The following ADAMTS17 variants were observed in gnomAD, a reference collection of about 807,000 sequenced individuals.
The protein encoded by ADAMTS17 is A disintegrin and metalloproteinase with thrombospondin motifs 17.
Under a neutral mutation model 141.5 loss-of-function variants are expected in ADAMTS17, and 113 were observed. The ratio of observed to expected loss-of-function variants is 0.80; its 90% confidence interval spans 0.69 to 0.93. ADAMTS17 has a LOEUF of 0.93. ADAMTS17 is among the 40% of genes least tolerant of loss of function. The pLI is 0.00. For synonymous variants in ADAMTS17, 768 were observed against 630.6 expected (o/e 1.22, Z -3.27); for missense variants, 1,659 against 1,517.9 (o/e 1.09, Z -1.54).
intron 18 of ADAMTS17, among the ~76,000 whole-genome samples, chr15:100,029,301 T>C (rs934847213): frequency 1.3e-5 from 2 of 152,198 alleles, no homozygotes; most frequent in African/African-American, 4.8e-5. Flanking sequence ...TCTCAAAACA[T>C]AGGGATCTAA....
chr15:100,196,214 T>C (rs908475083), intron 8 of ADAMTS17, among the ~76,000 whole-genome samples: 18 of 152,210 alleles, frequency 1.2e-4, no homozygotes, highest in Admixed American at 1.1e-3. Flanking sequence ...TTGTACCAAA[T>C]AAATTATGTT....
intron 18 of ADAMTS17, among the ~76,000 whole-genome samples, chr15:100,030,382 C>CA (rs1321717673): frequency 2.0e-5 from 3 of 152,142 alleles, no homozygotes; most frequent in African/African-American, 7.2e-5. Flanking sequence ...TATTTAAACC[C>CA]AAATACAGGT....
At chr15:100,104,767 G>GT (rs2036316933) in intron 14 of ADAMTS17, among the ~76,000 whole-genome samples, 1 of 152,006 alleles carries the variant, frequency 6.6e-6, no homozygotes, top group Non-Finnish European at 1.5e-5. Context: ...GGCCCCTGAG[G>GT]TTTTAACATT....
chr15:100,172,028 C>G (rs1461939735), intron 8 of ADAMTS17, among the ~76,000 whole-genome samples: 1 of 152,168 alleles, frequency 6.6e-6, no homozygotes, highest in Non-Finnish European at 1.5e-5. Flanking sequence ...AATGTAGACA[C>G]TAATCCCTTC....
chr15:100,341,924 C>A lies in ADAMTS17; in HGVS notation c.-25G>T. The A allele has an allele frequency of 6.5e-7, 1 of 1,541,526 alleles. No individual in the cohort carries two copies. Among genetic ancestry groups the A allele is most frequent in the Non-Finnish European group, 8.8e-7 (1 of 1,141,052 alleles). On this transcript the variant is annotated 5_prime_UTR_variant, in exon 1 of 22. Transcript: ENST00000268070. ...TGGTACCCGGGACCGGCAGCCCCCC[C>A]GGACCGTGGCGGCGAAGCAGGAGCG...
At position 99,973,965 on chromosome 15, in the gene ADAMTS17, T is replaced by G; in HGVS notation, c.*437A>C. ...GCAGAGGCTCACCAACACCTGCCCC[T>G]CCCTCCATGGTGTCGCCGGCTTTCA... is the stretch of plus-strand genomic sequence containing the variant. On this transcript the variant is annotated 3_prime_UTR_variant, in exon 22 of 22. Coordinates refer to ENST00000268070, the MANE Select transcript of ADAMTS17 (RefSeq NM_139057.4). 1 of 250,524 alleles carries G rather than the reference T, an allele frequency of 4.0e-6. No individual in the cohort carries two copies. Among genetic ancestry groups the G allele is most frequent in the Non-Finnish European group, 7.7e-6 (1 of 130,652 alleles). The allele number at this position is 250,524 out of a possible 1,614,324, so 15.5% of individuals were successfully genotyped here. A position where few individuals can be genotyped will look rare whatever the true frequency, so the allele number is the denominator to read the frequency against.
intron 7 of ADAMTS17, among the ~76,000 whole-genome samples, chr15:100,204,356 C>T (rs781739007): frequency 3.9e-5 from 6 of 152,210 alleles, no homozygotes; most frequent in Non-Finnish European, 8.8e-5. Context: ...CTACCAAACA[C>T]CGTCATAGTT....
At chr15:100,005,496 T>C (rs2061020596) in intron 18 of ADAMTS17, among the ~76,000 whole-genome samples, 3 of 152,074 alleles carry the variant, frequency 2.0e-5, no homozygotes, top group Admixed American at 1.3e-4. Context: ...TCTTCCTCCA[T>C]CCTCAAGACC....
chr15:100,127,719 T>C (rs930558546), intron 12 of ADAMTS17, among the ~76,000 whole-genome samples: 6 of 152,080 alleles, frequency 3.9e-5, no homozygotes, highest in African/African-American at 1.2e-4. Context: ...GTAGCTGGGA[T>C]TACAGGCATG....
chr15:100,131,762 G>A lies in ADAMTS17; in HGVS notation c.1721+245C>T, dbSNP rs115263693. Among the ~76,000 whole-genome samples the A allele has an allele frequency of 0.027, 4,037 of 152,248 alleles. 185 individuals are homozygous for A. The highest frequency in any genetic ancestry group is 0.093 in the African/African-American group (3,859 of 41,530). ...GAAAACCTTTCCACTGAGGCCCAGG[G>A]AAGGAATGAGGGAGTCAGCTCACCC... On this transcript the variant is annotated intron_variant, in intron 12 of 21. Coordinates refer to ENST00000268070, the MANE Select transcript of ADAMTS17 (RefSeq NM_139057.4).
In ADAMTS17 at chr15:100,100,964, G is replaced by T. The variant is rs535197415; in HGVS notation, c.2017-4488C>A. Among the ~76,000 whole-genome samples the T allele has an allele frequency of 2.6e-5, 4 of 152,120 alleles. No individual in the cohort carries two copies. The South Asian group carries it at 8.3e-4, about 32-fold the overall frequency. ...CCCGGAATGACCCCTCAGCCAGGTG[G>T]GCAACCAGAATAGCCTCTTAACTTG... On this transcript the variant is annotated intron_variant, in intron 14 of 21. Transcript: ENST00000268070.
chr15:100,191,388 T>C (rs887147027), intron 8 of ADAMTS17, among the ~76,000 whole-genome samples: 19 of 152,364 alleles, frequency 1.2e-4, no homozygotes, highest in African/African-American at 4.3e-4. Flanking sequence ...TAGGACTGCA[T>C]GTGCCTGCTT....
At chr15:100,004,371 C>G (rs541161008) in intron 18 of ADAMTS17, among the ~76,000 whole-genome samples, 3 of 152,308 alleles carry the variant, frequency 2.0e-5, no homozygotes, top group East Asian at 3.9e-4. Flanking sequence ...ACCCAACCCC[C>G]CCTGGCTCCA....
At chr15:100,253,904 C>T (rs1293311744) in intron 7 of ADAMTS17, among the ~76,000 whole-genome samples, 2 of 152,106 alleles carry the variant, frequency 1.3e-5, no homozygotes, top group Non-Finnish European at 2.9e-5. Context: ...CCCTTGGTGT[C>T]ACTCTTCATA....
At chr15:100,277,674 G>A (rs2044146809) in intron 4 of ADAMTS17, among the ~76,000 whole-genome samples, 1 of 152,214 alleles carries the variant, frequency 6.6e-6, no homozygotes, top group South Asian at 2.1e-4. Context: ...ACGTGGGTTT[G>A]TGCACACGAG....
At chr15:100,120,024 C>G (rs2037372656) in intron 12 of ADAMTS17, among the ~76,000 whole-genome samples, 1 of 152,194 alleles carries the variant, frequency 6.6e-6, no homozygotes, top group Non-Finnish European at 1.5e-5. Flanking sequence ...GTTCTGTGTT[C>G]TCAGCAGAGA....
chr15:99,971,617 C>T lies in ADAMTS17; in HGVS notation c.*2785G>A, dbSNP rs1036176176. ...GGGTACAGTATGTAATGCAAGTTAA[C>T]GAATGGAAAATAGATACATTTGACT... is the stretch of plus-strand genomic sequence containing the variant. On this transcript the variant is annotated 3_prime_UTR_variant, in exon 22 of 22. Coordinates refer to ENST00000268070, the MANE Select transcript of ADAMTS17 (RefSeq NM_139057.4). The T allele has an allele frequency of 6.6e-6, 1 of 151,968 alleles. No homozygotes were observed. Among genetic ancestry groups the T allele is most frequent in the Non-Finnish European group, 1.5e-5 (1 of 68,002 alleles). The allele number at this position is 151,968 out of a possible 1,614,324, so 9.4% of individuals were successfully genotyped here.
intron 10 of ADAMTS17, among the ~76,000 whole-genome samples, chr15:100,139,129 G>A (rs1470635866): frequency 6.6e-6 from 1 of 151,788 alleles, no homozygotes; most frequent in Non-Finnish European, 1.5e-5. Flanking sequence ...TTGGCTCTTT[G>A]GGGGGAAACT....
intron 8 of ADAMTS17, among the ~76,000 whole-genome samples, chr15:100,156,097 T>C (rs910747996): frequency 1.3e-5 from 2 of 152,186 alleles, no homozygotes; most frequent in Admixed American, 6.5e-5. Context: ...CTTTCATTCA[T>C]TCAAAAATAT....
Sources: allele counts gnomAD v4.1 joint callset (sites outside exome capture counted in the v4.1 genomes callset), GRCh38; gene constraint gnomAD v4.1.1; transcripts MANE v1.5; gene names NCBI Gene and HGNC (gene_info 2026-07-23, HGNC 2026-07-21).